The following USH2A variants were observed in gnomAD, a reference collection of about 807,000 sequenced individuals.
USH2A encodes Usher syndrome 2A (autosomal recessive, mild).
Under a neutral mutation model 538.9 loss-of-function variants are expected in USH2A, and 443 were observed. The observed-to-expected ratio is 0.82, with a 90% confidence interval of 0.76 to 0.89. USH2A has a LOEUF of 0.89. Ranked by LOEUF, USH2A falls within the 40% of genes least tolerant of loss-of-function variation. The probability of loss-of-function intolerance (pLI) is 0.00; values close to 1 mark genes in which losing one functional copy is unlikely to be tolerated. For synonymous variants in USH2A, 2,413 were observed against 2,273.5 expected, an observed-to-expected ratio of 1.06 and a Z score of -1.75; for missense variants, 6,633 against 6,324.8, an observed-to-expected ratio of 1.05 and a Z score of -1.65.
chr1:215,919,528 T>C (rs1483328069), intron 38 of USH2A, among the ~76,000 whole-genome samples: 1 of 152,050 alleles, frequency 6.6e-6, no homozygotes, highest in Non-Finnish European at 1.5e-5. Context: ...ACACTCTTTA[T>C]GAGCACAATA....
At chr1:216,281,305 C>T (rs750590507) in intron 11 of USH2A, among the ~76,000 whole-genome samples, 15 of 152,040 alleles carry the variant, frequency 9.9e-5, no homozygotes, top group Non-Finnish European at 1.9e-4. Flanking sequence ...TGAAAATTCT[C>T]CTTTTTTTCT....
chr1:215,826,793 A>T (rs189722475), intron 47 of USH2A, among the ~76,000 whole-genome samples: 3 of 152,282 alleles, frequency 2.0e-5, no homozygotes, highest in Non-Finnish European at 4.4e-5. Context: ...ACAGCTCCAT[A>T]AAATGGTTAT....
intron 11 of USH2A, among the ~76,000 whole-genome samples, chr1:216,283,391 G>A (rs1039118301): frequency 2.0e-5 from 3 of 152,132 alleles, no homozygotes; most frequent in African/African-American, 7.2e-5. Flanking sequence ...CGCCCAGCCT[G>A]AATTTATTAG....
chr1:215,934,759 AC>A lies in USH2A; in HGVS notation c.7156del (p.Val2386SerfsTer27). 6.2e-7 allele frequency: 1 copy of A among 1,612,630 alleles called. No individual in the cohort carries two copies. The highest frequency in any genetic ancestry group is 8.5e-7 in the Non-Finnish European group (1 of 1,178,998). On this transcript the variant is annotated frameshift_variant, in exon 38 of 72. Coordinates refer to ENST00000307340, the MANE Select transcript of USH2A (RefSeq NM_206933.4). LOFTEE classifies it high-confidence loss of function. Reference protein sequence around the residue: ...NNYTLLNVTKVMYSGEETNLW... With the variant: ...NNYTLLNVTKXMYSGEETNLW... ...GTTTGTCTCTTCTCCGCTGTACATG[AC>A]TTTTGTGACATTCAGAAGGGTGTAG...
chr1:216,213,984 T>C (rs766321232), intron 15 of USH2A, among the ~76,000 whole-genome samples: 1 of 151,860 alleles, frequency 6.6e-6, no homozygotes, highest in Non-Finnish European at 1.5e-5. Flanking sequence ...AAATGCAAAC[T>C]AAAATCACAA....
intron 38 of USH2A, among the ~76,000 whole-genome samples, chr1:215,912,446 G>T (rs1665810419): frequency 2.5e-5 from 3 of 119,662 alleles, no homozygotes; most frequent in Admixed American, 8.4e-5. Context: ...GTAGGTAGTA[G>T]GTATGTGTAT....
chr1:216,061,694 T>C (rs1394955825), intron 30 of USH2A, among the ~76,000 whole-genome samples: 3 of 152,344 alleles, frequency 2.0e-5, no homozygotes, highest in Non-Finnish European at 4.4e-5. Context: ...TATACAGCTA[T>C]AGTTTTGAAC....
intron 41 of USH2A, among the ~76,000 whole-genome samples, chr1:215,883,357 C>CT (rs796116499): frequency 1.1e-4 from 17 of 151,448 alleles, no homozygotes; most frequent in South Asian, 6.3e-4. Flanking sequence ...TGGATGTTAA[C>CT]TTTTTTTGGT....
chr1:216,156,295 C>CTTTTTT (rs35698520), intron 21 of USH2A, among the ~76,000 whole-genome samples: 49 of 105,520 alleles, frequency 4.6e-4, no homozygotes, highest in African/African-American at 7.9e-4. Context: ...TTTTTTTTTT[C>CTTTTTT]TTTTTTTTTT....
At position 215,687,238 on chromosome 1, in the gene USH2A, C is replaced by A. The variant is rs141890394; in HGVS notation, c.12067-6862G>T. On this transcript the variant is annotated intron_variant, in intron 61 of 71. Coordinates refer to ENST00000307340, the MANE Select transcript of USH2A (RefSeq NM_206933.4). ...ATTAGGCAGGGGACAATTGTTATAA[C>A]AATTGTAAATTTCAAACTTAAAATG... 4.3e-3 allele frequency among the ~76,000 whole-genome samples: 657 copies of A among 152,216 alleles called. 19 individuals are homozygous for A. The highest frequency in any genetic ancestry group is 0.037 in the Admixed American group (564 of 15,284).
At chr1:216,079,245 C>T (rs894328646) in intron 26 of USH2A, 6 of 152,048 alleles carry the variant, frequency 3.9e-5, no homozygotes, top group East Asian at 3.9e-4. Context: ...CAATAAATAT[C>T]GAGTCTCTTA....
chr1:215,877,887 C>T lies in USH2A; in HGVS notation c.8559-7G>A, dbSNP rs199618999. On this transcript the variant is annotated splice_polypyrimidine_tract_variant and splice_region_variant and intron_variant, in intron 42 of 71. Transcript: ENST00000307340. The stretch of plus-strand genomic sequence containing the variant: ...ACGTCTCAGAAGCTCATATCTAAAG[C>T]AAAAGACAAGCAGGAACATCAGGAT... 1.5e-4 allele frequency: 241 copies of T among 1,613,514 alleles called. No homozygotes were observed. In the African/African-American group the frequency reaches 3.1e-3, roughly 21 times the overall value.
At chr1:215,913,009 G>A (rs1274208580) in intron 38 of USH2A, among the ~76,000 whole-genome samples, 1 of 152,118 alleles carries the variant, frequency 6.6e-6, no homozygotes, top group Non-Finnish European at 1.5e-5. Flanking sequence ...ATTCAAACAT[G>A]AGAATTTTGA....
At chr1:216,356,364 C>T (rs2038391949) in intron 4 of USH2A, among the ~76,000 whole-genome samples, 1 of 151,578 alleles carries the variant, frequency 6.6e-6, no homozygotes, top group South Asian at 2.1e-4. Context: ...TTATTTTGTC[C>T]AAAATTGGAA....
At chr1:215,832,415 A>C (rs1323829133) in intron 47 of USH2A, among the ~76,000 whole-genome samples, 1 of 151,972 alleles carries the variant, frequency 6.6e-6, no homozygotes, top group African/African-American at 2.4e-5. Flanking sequence ...CCCCCAATAT[A>C]TGAAGAAGAA....
At chr1:216,262,495 A>C (rs187109108) in intron 11 of USH2A, among the ~76,000 whole-genome samples, 1 of 152,198 alleles carries the variant, frequency 6.6e-6, no homozygotes, top group Admixed American at 6.5e-5. Context: ...GAACTCAAAG[A>C]CAGGTCTATT....
intron 37 of USH2A, among the ~76,000 whole-genome samples, chr1:215,964,018 G>A (rs553451847): frequency 4.6e-5 from 7 of 152,092 alleles, no homozygotes; most frequent in African/African-American, 1.2e-4. Flanking sequence ...TTCTCTTGCC[G>A]CGCAGCTTTG....
chr1:215,671,185 C>T lies in USH2A; in HGVS notation c.13920G>A (p.Leu4640=). 6.2e-7 allele frequency: 1 copy of T among 1,614,128 alleles called. No individual in the cohort carries two copies. Among genetic ancestry groups the T allele is most frequent in the Non-Finnish European group, 8.5e-7 (1 of 1,180,022 alleles). The change falls in exon 64 of 72, where the codon CTG becomes CTA. Residue 4640 remains leucine (L), a synonymous_variant. Transcript: ENST00000307340. The part of the protein sequence containing the change: ...IAPLMQPPPH[L]EVQMAPGGFQ... Reference sequence around the variant, plus strand: ...ATCCTCCTGGAGCCATTTGTACCTCCAGATGTGGAGGGGGTTGCATCAAAG... The same window carrying T: ...ATCCTCCTGGAGCCATTTGTACCTCTAGATGTGGAGGGGGTTGCATCAAAG...
intron 61 of USH2A, among the ~76,000 whole-genome samples, chr1:215,688,853 C>T (rs1658514434): frequency 1.3e-5 from 2 of 152,008 alleles, no homozygotes; most frequent in South Asian, 4.1e-4. Context: ...TTGGGAGGAA[C>T]ACAATCCATT....
Sources: gnomAD v4.1 joint callset for allele counts (sites outside exome capture counted in the v4.1 genomes callset) on GRCh38, gnomAD v4.1.1 for gene constraint, MANE v1.5 for transcripts, NCBI Gene and HGNC (gene_info 2026-07-23, HGNC 2026-07-21) for gene names.